RAB3GAP2: variants seen among roughly 807,000 people sequenced by gnomAD.
RAB3GAP2 encodes the protein rab3 GTPase-activating protein non-catalytic subunit.
Under a neutral mutation model 185.3 loss-of-function variants are expected in RAB3GAP2, and 87 were observed. The observed-to-expected ratio is 0.47, with a 90% confidence interval of 0.39 to 0.56. RAB3GAP2 has a LOEUF of 0.56. Ranked by LOEUF, RAB3GAP2 falls within the 20% of genes least tolerant of loss-of-function variation. The pLI, the probability that RAB3GAP2 is intolerant of heterozygous loss-of-function variation, is 0.00. For synonymous variants in RAB3GAP2, 554 were observed against 576.1 expected (o/e 0.96, Z 0.55); for missense variants, 1,492 against 1,638.2 (o/e 0.91, Z 1.54).
intron 2 of RAB3GAP2, among the ~76,000 whole-genome samples, chr1:220,218,949 C>A (rs1202931790): frequency 1.3e-5 from 2 of 152,074 alleles, no homozygotes; most frequent in African/African-American, 4.8e-5. Flanking sequence ...AATACAAGGA[C>A]AAAAAGCCTC....
chr1:220,242,461 CA>C (rs1407574796), intron 1 of RAB3GAP2, among the ~76,000 whole-genome samples: 9 of 145,670 alleles, frequency 6.2e-5, no homozygotes, highest in Admixed American at 6.8e-5. Flanking sequence ...CTGATATTAC[CA>C]AAAAAAAAAC....
At chr1:220,177,804 T>C (rs1658321280) in intron 21 of RAB3GAP2, among the ~76,000 whole-genome samples, 3 of 152,260 alleles carry the variant, frequency 2.0e-5, no homozygotes, top group South Asian at 4.1e-4. Flanking sequence ...ACAAGGTCTA[T>C]AGGATCTATA....
Position 220,182,810 on chromosome 1 carries a change from A to C in RAB3GAP2, c.2120T>G (p.Val707Gly). 1 of 1,613,498 alleles carries C rather than the reference A, an allele frequency of 6.2e-7. No individual in the cohort carries two copies. The highest frequency in any genetic ancestry group is 8.5e-7 in the Non-Finnish European group (1 of 1,179,702). Residue 707 changes from valine to glycine, a missense_variant, in exon 20 of 35, where the codon GTG (valine) becomes GGG (glycine). This residue lies in a region of RAB3GAP2 where 681 missense variants were observed against 689.1 expected (regional missense o/e 0.99). Coordinates refer to ENST00000358951, the MANE Select transcript of RAB3GAP2 (RefSeq NM_012414.4). The stretch of plus-strand genomic sequence containing the variant: ...TTCCAAGAATGTTTTTACAGGCAAC[A>C]CACCATCTTTATCATCAGAAAATCG... The part of the protein sequence containing the change: ...NVRFSDDKDG[V>G]LPVKTFLEYL...
At chr1:220,219,401 C>T (rs1247982409) in intron 2 of RAB3GAP2, 2 of 152,142 alleles carry the variant, frequency 1.3e-5, no homozygotes, top group African/African-American at 2.4e-5. Context: ...CTAACCATGC[C>T]AATACTATAG....
At chr1:220,176,458 C>T (rs1430456238) in intron 21 of RAB3GAP2, among the ~76,000 whole-genome samples, 1 of 152,200 alleles carries the variant, frequency 6.6e-6, no homozygotes, top group Non-Finnish European at 1.5e-5. Context: ...CCAGTCCCCA[C>T]AAGGGGCTTG....
intron 2 of RAB3GAP2, among the ~76,000 whole-genome samples, chr1:220,220,837 A>G (rs749611153): frequency 1.6e-4 from 25 of 152,264 alleles, no homozygotes; most frequent in Admixed American, 1.1e-3. Flanking sequence ...ACCTTCCACC[A>G]TGATTGTGAG....
chr1:220,172,059 T>A lies in RAB3GAP2; in HGVS notation c.2417-10A>T. ...GTCTCATCGATGGCCACTATAGGGA[T>A]AGGAGAAAACAGAAAAATAAACTCT... On this transcript the variant is annotated splice_polypyrimidine_tract_variant and intron_variant, in intron 22 of 34. Coordinates refer to ENST00000358951, the MANE Select transcript of RAB3GAP2 (RefSeq NM_012414.4). The A allele has an allele frequency of 6.2e-7, 1 of 1,613,942 alleles. No homozygotes were observed. The highest frequency in any genetic ancestry group is 2.2e-5 in the East Asian group (1 of 44,870).
intron 19 of RAB3GAP2, among the ~76,000 whole-genome samples, chr1:220,183,759 T>G (rs767271856): frequency 8.5e-5 from 13 of 152,122 alleles, no homozygotes; most frequent in Non-Finnish European, 1.8e-4. Context: ...CTCTCAGGGA[T>G]ACAACCTGCT....
chr1:220,213,883 G>C lies in RAB3GAP2; in HGVS notation c.277C>G (p.Arg93Gly). The change falls in exon 3 of 35, where the codon CGA becomes GGA. Residue 93 changes from arginine (R) to glycine (G), a missense_variant. Arg to Gly is a moderately radical substitution (Grantham distance 125, BLOSUM62 -2). Transcript: ENST00000358951. The stretch of plus-strand genomic sequence containing the variant: ...ACTAGAAATACAGCTTTTTGCTCTC[G>C]AGCTATCACCATAAGATCATTGGTT... ...SPTNDLMVIA[R>G]EQKAVFLVPK... 4 of 1,613,182 alleles carry C rather than the reference G, an allele frequency of 2.5e-6. No homozygotes were observed. The highest frequency in any genetic ancestry group is 3.4e-6 in the Non-Finnish European group (4 of 1,179,386).
chr1:220,206,155 T>C, intron 7 of RAB3GAP2, 149 bp from the exon 8 acceptor site: 2 of 597,284 alleles, frequency 3.3e-6, no homozygotes, highest in Non-Finnish European at 5.9e-6. Context: ...GATAAAAAAT[T>C]AATTTGAGAG....
chr1:220,220,934 A>C (rs1428694181), intron 2 of RAB3GAP2, among the ~76,000 whole-genome samples: 1 of 152,196 alleles, frequency 6.6e-6, no homozygotes, highest in Non-Finnish European at 1.5e-5. Context: ...TATCAGCAGC[A>C]TGAAAATGGA....
At chr1:220,196,576 A>G (rs1460662340) in intron 9 of RAB3GAP2, among the ~76,000 whole-genome samples, 178 bp from the exon 10 acceptor site, 1 of 152,150 alleles carries the variant, frequency 6.6e-6, no homozygotes. Context: ...TCACTCCTAT[A>G]ATCCCAGCAC....
At chr1:220,254,689 G>C in intron 1 of RAB3GAP2, among the ~76,000 whole-genome samples, 1 of 152,042 alleles carries the variant, frequency 6.6e-6, no homozygotes, top group African/African-American at 2.4e-5. Context: ...GAAAATAAAA[G>C]GGGTAATAGC....
intron 1 of RAB3GAP2, among the ~76,000 whole-genome samples, chr1:220,237,678 G>A (rs567598581): frequency 6.6e-6 from 1 of 152,266 alleles, no homozygotes; most frequent in African/African-American, 2.4e-5. Flanking sequence ...GATGGTGCAT[G>A]CATGGATCAC....
chr1:220,265,186 AAT>A (rs1189200586), intron 1 of RAB3GAP2, among the ~76,000 whole-genome samples: 2 of 152,134 alleles, frequency 1.3e-5, no homozygotes, highest in Non-Finnish European at 2.9e-5. Context: ...ACATATAAAA[AAT>A]AGAGTATTTT....
chr1:220,272,074 G>C (rs537278951), intron 1 of RAB3GAP2, 149 bp downstream of exon 1: 3 of 725,582 alleles, frequency 4.1e-6, no homozygotes, highest in Admixed American at 2.0e-5. Flanking sequence ...GGTGGGCAGG[G>C]TGTCATCCCG....
chr1:220,268,014 A>C, intron 1 of RAB3GAP2: 1 of 520,722 alleles, frequency 1.9e-6, no homozygotes, highest in East Asian at 2.9e-5. Flanking sequence ...CAAGTAATTG[A>C]GGTGTTTTAT....
At chr1:220,226,197 T>C (rs1659399336) in intron 2 of RAB3GAP2, among the ~76,000 whole-genome samples, 1 of 152,176 alleles carries the variant, frequency 6.6e-6, no homozygotes, top group Admixed American at 6.5e-5. Flanking sequence ...CCACTAGCTG[T>C]TTACTATTGA....
intron 1 of RAB3GAP2, chr1:220,266,360 A>G: frequency 2.5e-6 from 1 of 407,682 alleles, no homozygotes; most frequent in South Asian, 2.2e-5. Context: ...TCGAGTCAGC[A>G]CAAAGTGGTC....
Sources: allele counts gnomAD v4.1 joint callset (sites outside exome capture counted in the v4.1 genomes callset), GRCh38; gene constraint gnomAD v4.1.1; regional missense constraint gnomAD v4.1.1; transcripts MANE v1.5; gene names NCBI Gene and HGNC (gene_info 2026-07-23, HGNC 2026-07-21).